Variants in FBXO28 observed in about 807,000 individuals in gnomAD.
FBXO28 encodes the protein F-box only protein 28.
Under a neutral mutation model 38.1 loss-of-function variants are expected in FBXO28, and 8 were observed. The observed-to-expected ratio is 0.21, with a 90% CI of 0.12 to 0.38. The LOEUF is 0.38. FBXO28 is among the 10% of genes least tolerant of loss of function. The pLI, the probability that FBXO28 is intolerant of heterozygous loss-of-function variation, is 1.00. For synonymous variants in FBXO28, 168 were observed against 173.8 expected (o/e 0.97, Z 0.26); for missense variants, 345 against 460.6 (o/e 0.75, Z 2.30).
At position 224,157,762 on chromosome 1, in the gene FBXO28, T is replaced by C. The variant is rs1182557865; in HGVS notation, c.*16T>C. ...TAGAAAGTAAATTGGAATGTGGTTC[T>C]AGTTCCAGAGGAAGACACAGCTTAG... On this transcript the variant is annotated 3_prime_UTR_variant, in exon 5 of 5. Coordinates refer to ENST00000366862, the MANE Select transcript of FBXO28 (RefSeq NM_015176.4). 22 of 1,580,746 alleles carry C rather than the reference T, an allele frequency of 1.4e-5. No individual in the cohort carries two copies. The highest frequency in any genetic ancestry group is 8.9e-5 in the East Asian group (4 of 44,752).
chr1:224,120,265 C>T (rs1656741333), intron 1 of FBXO28, among the ~76,000 whole-genome samples: 1 of 152,204 alleles, frequency 6.6e-6, no homozygotes, highest in African/African-American at 2.4e-5. Context: ...ACATCAAGCT[C>T]TTCAGTTTCC....
intron 3 of FBXO28, among the ~76,000 whole-genome samples, chr1:224,147,793 C>T (rs1330517799): frequency 2.1e-5 from 3 of 141,336 alleles, no homozygotes; most frequent in Non-Finnish European, 4.5e-5. Context: ...GACCTCAAAA[C>T]TCATACCATT....
At chr1:224,144,750 C>G (rs1657457128) in intron 3 of FBXO28, among the ~76,000 whole-genome samples, 1 of 151,884 alleles carries the variant, frequency 6.6e-6, no homozygotes, top group South Asian at 2.1e-4. Flanking sequence ...CAGAGCAAGA[C>G]TCCATCTCAA....
Position 224,153,240 on chromosome 1 carries a change from T to C in FBXO28, c.615T>C (p.Ser205=), listed in dbSNP as rs531731466. ...EVLQELRDIS[S]MAMEYFDEKI... ...TTCAAGAATTAAGGGATATATCCTCTATGGCAATGGAGTACTTTGATGAAA... is the reference window on the plus strand; with the variant it reads ...TTCAAGAATTAAGGGATATATCCTCCATGGCAATGGAGTACTTTGATGAAA... The change falls in exon 4 of 5, where the codon TCT becomes TCC. Residue 205 remains serine (S), a synonymous_variant. Coordinates refer to ENST00000366862, the MANE Select transcript of FBXO28 (RefSeq NM_015176.4). The C allele has an allele frequency of 1.9e-5, 31 of 1,612,102 alleles. 1 individual carries two copies. The South Asian group carries it at 3.3e-4, about 17-fold the overall frequency.
At chr1:224,116,259 CTT>C (rs964712589) in intron 1 of FBXO28, among the ~76,000 whole-genome samples, 3 of 152,060 alleles carry the variant, frequency 2.0e-5, no homozygotes, top group Admixed American at 6.6e-5. Context: ...TTGGAAGTGT[CTT>C]TGCTTGGAAG....
Position 224,158,323 on chromosome 1 carries a change from AT to A in FBXO28, c.*582del. ...GGAGCCTCTACAATATTGACTATAT[AT>A]TTTTATAAACTACTGGCAAGGAACT... On this transcript the variant is annotated 3_prime_UTR_variant, in exon 5 of 5. Transcript: ENST00000366862. The A allele has an allele frequency of 1.5e-6, 1 of 689,434 alleles. No homozygotes were observed. The highest frequency in any genetic ancestry group is 1.8e-6 in the Non-Finnish European group (1 of 559,694). The allele number at this position is 689,434 out of a possible 1,614,324, so 42.7% of individuals were successfully genotyped here.
At chr1:224,141,491 C>G (rs1157155911) in intron 3 of FBXO28, among the ~76,000 whole-genome samples, 2 of 150,106 alleles carry the variant, frequency 1.3e-5, no homozygotes, top group Non-Finnish European at 3.0e-5. Flanking sequence ...AAAAAAGATG[C>G]AATCATGCGT....
At chr1:224,139,384 A>G (rs1657283272) in intron 3 of FBXO28, among the ~76,000 whole-genome samples, 1 of 151,738 alleles carries the variant, frequency 6.6e-6, no homozygotes, top group Admixed American at 6.6e-5. Flanking sequence ...AGGAGCTCCC[A>G]TATAGCTTAT....
At chr1:224,125,027 T>G (rs1449020331) in intron 1 of FBXO28, among the ~76,000 whole-genome samples, 1 of 152,226 alleles carries the variant, frequency 6.6e-6, no homozygotes, top group Non-Finnish European at 1.5e-5. Context: ...AGTCAGTGCT[T>G]CTTGAACATT....
At chr1:224,126,903 C>CT (rs1656916287) in intron 1 of FBXO28, among the ~76,000 whole-genome samples, 1 of 152,208 alleles carries the variant, frequency 6.6e-6, no homozygotes. Flanking sequence ...AGAGGCACCA[C>CT]TTTCAAGTCT....
At chr1:224,135,851 A>G (rs1031121239) in intron 3 of FBXO28, among the ~76,000 whole-genome samples, 7 of 151,992 alleles carry the variant, frequency 4.6e-5, no homozygotes, top group Non-Finnish European at 8.8e-5. Flanking sequence ...CCTGGCGAAC[A>G]TGGGGAAACC....
At position 224,157,920 on chromosome 1, in the gene FBXO28, C is replaced by A. The variant is rs535658072; in HGVS notation, c.*174C>A. On this transcript the variant is annotated 3_prime_UTR_variant, in exon 5 of 5. Transcript: ENST00000366862. ...TCTTTTCCTGCTTCTCCTGATTGAA[C>A]TGATGCACAGAATCTTTTTACTTTG... 3.6e-5 allele frequency: 51 copies of A among 1,413,274 alleles called. No individual in the cohort carries two copies. The East Asian group carries it at 8.7e-4, about 24-fold the overall frequency. 87.5% of individuals were successfully genotyped at this position (1,413,274 alleles called of 1,614,324 possible).
chr1:224,114,463 C>G (rs921258441), intron 1 of FBXO28, 67 bp downstream of exon 1: 1 of 1,340,952 alleles, frequency 7.5e-7, no homozygotes, highest in Non-Finnish European at 1.0e-6. Flanking sequence ...GAGAAGGGAG[C>G]GCGTTCCCCG....
rs1196772176 is a variant in FBXO28, at chr1:224,161,461, C to T, written c.*3715C>T. On this transcript the variant is annotated 3_prime_UTR_variant, in exon 5 of 5. Coordinates refer to ENST00000366862, the MANE Select transcript of FBXO28 (RefSeq NM_015176.4). Reference sequence around the variant, plus strand: ...TTCTGATATGAAACCCAACTTGATACACTGTTTGGTTCTTTGACTTGGGAT... The same window carrying T: ...TTCTGATATGAAACCCAACTTGATATACTGTTTGGTTCTTTGACTTGGGAT... The T allele has an allele frequency of 6.6e-6, 1 of 152,224 alleles. No individual in the cohort carries two copies. The highest frequency in any genetic ancestry group is 2.4e-5 in the African/African-American group (1 of 41,462). The allele number at this position is 152,224 out of a possible 1,614,324, so 9.4% of individuals were successfully genotyped here. A position where few individuals can be genotyped will look rare whatever the true frequency, so the allele number is the denominator to read the frequency against.
chr1:224,118,516 AT>A (rs1251130542), intron 1 of FBXO28, among the ~76,000 whole-genome samples: 1 of 152,152 alleles, frequency 6.6e-6, no homozygotes, highest in Non-Finnish European at 1.5e-5. Context: ...CTGGAATGAA[AT>A]TTTCCAGTCA....
chr1:224,144,503 T>C (rs571036048), intron 3 of FBXO28, among the ~76,000 whole-genome samples: 10 of 151,944 alleles, frequency 6.6e-5, no homozygotes, highest in Admixed American at 2.0e-4. Context: ...CTCACACCTA[T>C]GATTTCAGCA....
chr1:224,126,848 T>C (rs1656914756), intron 1 of FBXO28, among the ~76,000 whole-genome samples: 1 of 152,130 alleles, frequency 6.6e-6, no homozygotes, highest in Admixed American at 6.6e-5. Flanking sequence ...TCAAATAGTT[T>C]TAATAACAAA....
chr1:224,156,577 T>G (rs528632358), intron 4 of FBXO28, among the ~76,000 whole-genome samples: 2 of 152,374 alleles, frequency 1.3e-5, no homozygotes, highest in African/African-American at 4.8e-5. Context: ...AGCATTTCCT[T>G]GAGCATCATG....
chr1:224,142,933 GAC>G (rs1475194010), intron 3 of FBXO28, among the ~76,000 whole-genome samples: 6 of 152,102 alleles, frequency 3.9e-5, no homozygotes, highest in Admixed American at 3.9e-4. Flanking sequence ...GGGACAGAAA[GAC>G]ACTCTGTCAT....
Sources: gnomAD v4.1 joint callset for allele counts (sites outside exome capture counted in the v4.1 genomes callset) on GRCh38, gnomAD v4.1.1 for gene constraint, MANE v1.5 for transcripts, NCBI Gene and HGNC (gene_info 2026-07-23, HGNC 2026-07-21) for gene names.